TNRC6A: variants seen among roughly 807,000 people sequenced by gnomAD.
The protein encoded by TNRC6A is trinucleotide repeat containing adaptor 6A.
A neutral mutation model predicts 221.2 loss-of-function variants in TNRC6A; 44 were observed. The ratio of observed to expected loss-of-function variants is 0.20; its 90% CI spans 0.16 to 0.26. TNRC6A has a LOEUF of 0.26. Among genes scored for constraint, TNRC6A ranks in the 10% least tolerant of loss-of-function variants. The pLI, the probability that TNRC6A is intolerant of heterozygous loss-of-function variation, is 1.00. For missense variants in TNRC6A, 2,199 were observed against 2,404.4 expected (o/e 0.91, Z 1.79); for synonymous variants, 847 against 838.5 (o/e 1.01, Z -0.18).
intron 4 of TNRC6A, among the ~76,000 whole-genome samples, chr16:24,765,695 A>G (rs1432028267): frequency 6.6e-6 from 1 of 152,216 alleles, no homozygotes; most frequent in Non-Finnish European, 1.5e-5. Context: ...GCTATGTAAC[A>G]AATAAGATTT....
chr16:24,819,781 C>T (rs1422918316), intron 21 of TNRC6A: 2 of 217,588 alleles, frequency 9.2e-6, no homozygotes, highest in African/African-American at 4.7e-5. Flanking sequence ...TTCTAAAATT[C>T]ACTTAAATGG....
At chr16:24,660,904 G>C (rs1165562138) in intron 2 of TNRC6A, among the ~76,000 whole-genome samples, 1 of 151,630 alleles carries the variant, frequency 6.6e-6, no homozygotes, top group Non-Finnish European at 1.5e-5. Context: ...ACCACGCCAG[G>C]CTAATTTTTT....
chr16:24,664,277 G>T (rs2055097936), intron 2 of TNRC6A, among the ~76,000 whole-genome samples: 1 of 151,720 alleles, frequency 6.6e-6, no homozygotes, highest in African/African-American at 2.4e-5. Flanking sequence ...ATTGCAGTGA[G>T]CTGAGATCAT....
At chr16:24,695,160 GT>G (rs2055832686) in intron 2 of TNRC6A, among the ~76,000 whole-genome samples, 1 of 152,066 alleles carries the variant, frequency 6.6e-6, no homozygotes, top group South Asian at 2.1e-4. Context: ...AGGCATTTCT[GT>G]TTTCCTCCTC....
intron 2 of TNRC6A, among the ~76,000 whole-genome samples, chr16:24,682,042 G>A (rs887393988): frequency 1.3e-5 from 2 of 152,166 alleles, no homozygotes; most frequent in African/African-American, 4.8e-5. Flanking sequence ...TGTAAGTTGT[G>A]ATAGGATAGT....
At chr16:24,746,168 T>A (rs1035015495) in intron 2 of TNRC6A, among the ~76,000 whole-genome samples, 2 of 152,192 alleles carry the variant, frequency 1.3e-5, no homozygotes, top group Non-Finnish European at 2.9e-5. Flanking sequence ...ACTTCACTAA[T>A]CTTGTTTACA....
chr16:24,724,306 AC>A (rs1036295466), intron 2 of TNRC6A, among the ~76,000 whole-genome samples: 22 of 152,146 alleles, frequency 1.4e-4, no homozygotes, highest in African/African-American at 5.3e-4. Context: ...CAAGTTAATT[AC>A]CCCCATCTGC....
In TNRC6A at chr16:24,823,441, G is replaced by A. The variant is rs764326596; in HGVS notation, c.5523G>A (p.Leu1841=). Residue 1841 remains leucine, a synonymous_variant, in exon 25 of 25, where the codon CTG becomes CTA. Transcript: ENST00000395799. This position sits in a 1 kb window ranked among gnomAD's most constrained non-coding sequence, Gnocchi z 4.3. ...KAQKSLHMCV[L]GNTTILAEFA... ...TGCCTCTCTCCTCTAGGTGTGTACT[G>A]GGGAACACTACTATTCTTGCTGAGT... is the stretch of plus-strand genomic sequence containing the variant. The A allele has an allele frequency of 1.9e-6, 3 of 1,612,444 alleles. No homozygotes were observed. The highest frequency in any genetic ancestry group is 2.2e-5 in the East Asian group (1 of 44,878).
At chr16:24,706,643 G>C (rs1305355503) in intron 2 of TNRC6A, among the ~76,000 whole-genome samples, 2 of 142,764 alleles carry the variant, frequency 1.4e-5, no homozygotes, top group African/African-American at 2.6e-5. Flanking sequence ...AGTGAGCCCA[G>C]ATCGCGCTAC....
chr16:24,730,314 G>A lies in TNRC6A; in HGVS notation c.53+14G>A. 6.2e-7 allele frequency: 1 copy of A among 1,603,884 alleles called. No homozygotes were observed. The highest frequency in any genetic ancestry group is 8.5e-7 in the Non-Finnish European group (1 of 1,176,110). On this transcript the variant is annotated intron_variant, in intron 2 of 24. Transcript: ENST00000395799. ...AAATCTTAGCAGGTAAGATGGGCGA[G>A]CTTTCCGTCTCCCGCCCCACGATAA...
chr16:24,810,497 G>C (rs1262698312), intron 18 of TNRC6A, among the ~76,000 whole-genome samples: 1 of 152,188 alleles, frequency 6.6e-6, no homozygotes, highest in Non-Finnish European at 1.5e-5. Flanking sequence ...ATAATACCAA[G>C]TTCCTTAGGA....
chr16:24,768,186 C>T (rs1356904904), intron 4 of TNRC6A, among the ~76,000 whole-genome samples: 1 of 152,106 alleles, frequency 6.6e-6, no homozygotes, highest in East Asian at 1.9e-4. Flanking sequence ...AATCCCAGCA[C>T]TTTGGGAGGC....
intron 2 of TNRC6A, chr16:24,662,019 C>T (rs1408130576): frequency 1.3e-5 from 2 of 152,098 alleles, no homozygotes; most frequent in Admixed American, 1.3e-4. Flanking sequence ...TATGATTGCA[C>T]CACTGCACTC....
chr16:24,780,978 C>T (rs1440293017), intron 5 of TNRC6A, among the ~76,000 whole-genome samples: 1 of 150,356 alleles, frequency 6.7e-6, no homozygotes. Flanking sequence ...TGCACCTTCC[C>T]CTTGGACGAT....
At chr16:24,690,964 C>T (rs550559921) in intron 2 of TNRC6A, among the ~76,000 whole-genome samples, 146 of 152,032 alleles carry the variant, frequency 9.6e-4, no homozygotes, top group Non-Finnish European at 1.7e-3. Flanking sequence ...CCCGCCACCA[C>T]GCCCGGCTAA....
chr16:24,729,693 G>GCGGCGGTGT lies in TNRC6A; in HGVS notation c.-143_-142insTGTCGGCGG. 1.2e-6 allele frequency: 1 copy of GCGGCGGTGT among 843,350 alleles called. No individual in the cohort carries two copies. Among genetic ancestry groups the GCGGCGGTGT allele is most frequent in the East Asian group, 3.6e-5 (1 of 27,574 alleles). The allele number at this position is 843,350 out of a possible 1,614,324, so 52.2% of individuals were successfully genotyped here. A position where few individuals can be genotyped will look rare whatever the true frequency, so the allele number is the denominator to read the frequency against. ...TGCGGCGGCGGCGGTGTCGGCGGCGGCGGCGGCGGCGGCGGCGGCGGCGGC... is the reference window on the plus strand; with the variant it reads ...TGCGGCGGCGGCGGTGTCGGCGGCGGCGGCGGTGTCGGCGGCGGCGGCGGCGGCGGCGGC... On this transcript the variant is annotated 5_prime_UTR_variant, in exon 1 of 25. Coordinates refer to ENST00000395799, the MANE Select transcript of TNRC6A (RefSeq NM_014494.4).
chr16:24,815,545 C>G (rs1304371661), intron 19 of TNRC6A: 1 of 512,142 alleles, frequency 2.0e-6, no homozygotes, highest in Non-Finnish European at 3.6e-6. Flanking sequence ...CCCCATTGAC[C>G]AGCATGAAGA....
Position 24,667,886 on chromosome 16 carries a change from G to A in TNRC6A, n.402+26877G>A, listed in dbSNP as rs556252622. The stretch of plus-strand genomic sequence containing the variant: ...AGAAAATTTTTTGAGTTAGCTGGGC[G>A]TGATGGCACATGCCCATAGTCCCAG... On this transcript the variant is annotated intron_variant and non_coding_transcript_variant, in intron 2 of 2. Coordinates refer to the TNRC6A transcript ENST00000566108. Among the ~76,000 whole-genome samples the A allele has an allele frequency of 6.6e-5, 10 of 151,910 alleles. No homozygotes were observed. The South Asian group carries it at 8.3e-4, about 13-fold the overall frequency.
At chr16:24,821,547 C>T (rs990855767) in intron 22 of TNRC6A, among the ~76,000 whole-genome samples, 1 of 152,042 alleles carries the variant, frequency 6.6e-6, no homozygotes, top group Non-Finnish European at 1.5e-5. Context: ...CCTTGAGTTG[C>T]AGATGGGGTC....
Sources: gnomAD v4.1 joint callset for allele counts (sites outside exome capture counted in the v4.1 genomes callset) on GRCh38, gnomAD v4.1.1 for gene constraint, Gnocchi (gnomAD v3.1) non-coding constraint, MANE v1.5 for transcripts, NCBI Gene and HGNC (gene_info 2026-07-23, HGNC 2026-07-21) for gene names.